The following GRIN2A variants were observed in gnomAD, a reference collection of about 807,000 sequenced individuals.
GRIN2A encodes glutamate receptor ionotropic, NMDA 2A.
In GRIN2A, 22 loss-of-function variants were observed where a neutral mutation model predicts 113.4. That is an observed-to-expected ratio of 0.19 (90% CI 0.14 to 0.28). GRIN2A has a LOEUF of 0.28. GRIN2A is among the 10% of genes least tolerant of loss of function. GRIN2A has a pLI of 1.00. For synonymous variants in GRIN2A, 827 were observed against 738.4 expected, an observed-to-expected ratio of 1.12 and a Z score of -1.94; for missense variants, 1,502 against 1,887.0, an observed-to-expected ratio of 0.80 and a Z score of 3.78.
rs768958947 is a variant in GRIN2A, at chr16:9,834,125, C to T, written c.1757G>A (p.Arg586Lys). The T allele has an allele frequency of 1.4e-5, 23 of 1,613,678 alleles. No individual in the cohort carries two copies. The Middle Eastern group carries it at 4.9e-4, about 35-fold the overall frequency. The change falls in exon 8 of 13, where the codon AGA becomes AAA. Residue 586 changes from arginine (R) to lysine (K), a missense_variant. Coordinates refer to ENST00000330684, the MANE Select transcript of GRIN2A (RefSeq NM_001134407.3). Reference protein sequence around the residue: ...FEYFSPVGYNRNLAKGKAPHG... With the variant: ...FEYFSPVGYNKNLAKGKAPHG... ...CTTACCTTTCCCTTTGGCTAAGTTT[C>T]TGTTGTATCCAACAGGGCTGAAGTA...
intron 2 of GRIN2A, among the ~76,000 whole-genome samples, chr16:10,175,611 A>G (rs956625074): frequency 1.3e-5 from 2 of 152,330 alleles, no homozygotes; most frequent in East Asian, 3.9e-4. Context: ...TGTCATGTCA[A>G]ATACACATAT....
intron 2 of GRIN2A, among the ~76,000 whole-genome samples, chr16:10,002,690 C>T (rs1349675789): frequency 6.6e-6 from 1 of 152,196 alleles, no homozygotes; most frequent in Non-Finnish European, 1.5e-5. Context: ...TACACAACTC[C>T]AGCTTCTGTG....
intron 2 of GRIN2A, among the ~76,000 whole-genome samples, chr16:9,946,155 G>C (rs1199191561): frequency 6.6e-6 from 1 of 152,152 alleles, no homozygotes; most frequent in Non-Finnish European, 1.5e-5. Flanking sequence ...GCCCTGCTGA[G>C]ATTCAGACCC....
intron 2 of GRIN2A, among the ~76,000 whole-genome samples, chr16:9,948,553 A>G (rs1028466463): frequency 2.6e-5 from 4 of 152,220 alleles, no homozygotes; most frequent in Admixed American, 2.6e-4. Context: ...AGGACTAGGC[A>G]ATGACATAAG....
chr16:9,987,016 G>T (rs2141799730), intron 2 of GRIN2A, among the ~76,000 whole-genome samples: 1 of 152,208 alleles, frequency 6.6e-6, no homozygotes, highest in African/African-American at 2.4e-5. Flanking sequence ...TGGTACCCAG[G>T]AATCTATATT....
At chr16:9,811,437 GAAGTTCCCATGT>G (rs2141269950) in intron 10 of GRIN2A, among the ~76,000 whole-genome samples, 1 of 152,188 alleles carries the variant, frequency 6.6e-6, no homozygotes, top group East Asian at 1.9e-4. Context: ...TCACATGTTT[GAAGTTCCCATGT>G]GAGTTCAGCA....
chr16:9,777,272 G>GA (rs958079405), intron 11 of GRIN2A, among the ~76,000 whole-genome samples: 41 of 150,788 alleles, frequency 2.7e-4, no homozygotes, highest in African/African-American at 2.9e-4. Flanking sequence ...TGACAAATAA[G>GA]AAAAAAAAAT....
At chr16:9,991,885 C>T (rs1445676138) in intron 2 of GRIN2A, among the ~76,000 whole-genome samples, 5 of 152,130 alleles carry the variant, frequency 3.3e-5, no homozygotes, top group Non-Finnish European at 7.4e-5. Context: ...GAAGATCACA[C>T]ACCAGGGCCT....
intron 4 of GRIN2A, among the ~76,000 whole-genome samples, 190 bp downstream of exon 4, chr16:9,890,796 C>T (rs1437381094): frequency 6.6e-6 from 1 of 152,188 alleles, no homozygotes; most frequent in African/African-American, 2.4e-5. Context: ...CACAGTTCAC[C>T]CAGAGAAAGC....
intron 2 of GRIN2A, among the ~76,000 whole-genome samples, chr16:10,055,068 AAAAAAAAAAAAAAAAAAG>A (rs2047426534): frequency 1.2e-5 from 1 of 80,554 alleles, no homozygotes; most frequent in African/African-American, 5.3e-5. Flanking sequence ...AAAAAAAAAA[AAAAAAAAAAAAAAAAAAG>A]AAAAAAGAAA....
chr16:9,913,585 G>C (rs9936753), intron 3 of GRIN2A, among the ~76,000 whole-genome samples: 1 of 152,122 alleles, frequency 6.6e-6, no homozygotes. Flanking sequence ...ATAAGTTATC[G>C]CATTTTATAC....
At chr16:9,893,626 C>T (rs548075836) in intron 3 of GRIN2A, among the ~76,000 whole-genome samples, 2 of 152,162 alleles carry the variant, frequency 1.3e-5, no homozygotes, top group African/African-American at 2.4e-5. Context: ...ACCACTATGC[C>T]CAGCTAATTT....
At chr16:10,132,773 G>C (rs943279748) in intron 2 of GRIN2A, among the ~76,000 whole-genome samples, 1 of 152,168 alleles carries the variant, frequency 6.6e-6, no homozygotes, top group Non-Finnish European at 1.5e-5. Flanking sequence ...CAGAAGACCT[G>C]GCACTTAACA....
At chr16:9,947,700 A>G (rs1046878968) in intron 2 of GRIN2A, among the ~76,000 whole-genome samples, 2 of 152,172 alleles carry the variant, frequency 1.3e-5, no homozygotes, top group African/African-American at 4.8e-5. Context: ...GGTACCAAAT[A>G]GAGGGTTCAA....
chr16:9,786,125 G>A (rs1296041621), intron 11 of GRIN2A, among the ~76,000 whole-genome samples: 1 of 152,164 alleles, frequency 6.6e-6, no homozygotes, highest in Non-Finnish European at 1.5e-5. Context: ...AACACGTTTA[G>A]CAAGGAACAA....
intron 2 of GRIN2A, among the ~76,000 whole-genome samples, chr16:10,108,703 C>T (rs534936556): frequency 3.2e-4 from 48 of 152,304 alleles, no homozygotes; most frequent in African/African-American, 1.2e-3. Flanking sequence ...ATAGATACTG[C>T]TGTGCTAGCA....
intron 2 of GRIN2A, among the ~76,000 whole-genome samples, chr16:10,080,051 T>C (rs1371921155): frequency 2.0e-5 from 3 of 152,332 alleles, no homozygotes; most frequent in East Asian, 1.9e-4. Context: ...ATTAATCAAA[T>C]TGATTCATGT....
chr16:9,953,706 G>C (rs142075654), intron 2 of GRIN2A, among the ~76,000 whole-genome samples: 3 of 152,172 alleles, frequency 2.0e-5, no homozygotes, highest in Non-Finnish European at 4.4e-5. Context: ...CGGGGAATGC[G>C]ATAACTTAGA....
intron 10 of GRIN2A, among the ~76,000 whole-genome samples, chr16:9,815,741 CAT>C (rs2042174874): frequency 6.6e-6 from 1 of 152,182 alleles, no homozygotes; most frequent in Non-Finnish European, 1.5e-5. Flanking sequence ...ATAGAATTGA[CAT>C]ATGATCCAAT....
Sources: gnomAD v4.1 joint callset for allele counts (sites outside exome capture counted in the v4.1 genomes callset) on GRCh38, gnomAD v4.1.1 for gene constraint, MANE v1.5 for transcripts, NCBI Gene and HGNC (gene_info 2026-07-23, HGNC 2026-07-21) for gene names.